TNRC6A: variants seen among roughly 807,000 people sequenced by gnomAD.
TNRC6A encodes trinucleotide repeat containing adaptor 6A, also known as trinucleotide repeat-containing gene 6A protein.
TNRC6A carries 44 observed loss-of-function variants against 221.2 expected under a neutral mutation model. The ratio of observed to expected loss-of-function variants is 0.20; its 90% CI spans 0.16 to 0.26. The LOEUF (loss-of-function observed/expected upper bound fraction) is 0.26, where lower values mean the gene tolerates loss of function less well. Among genes scored for constraint, TNRC6A ranks in the 10% least tolerant of loss-of-function variants. The probability of loss-of-function intolerance (pLI) is 1.00; values close to 1 mark genes in which losing one functional copy is unlikely to be tolerated. For missense variants in TNRC6A, 2,199 were observed against 2,404.4 expected, an observed-to-expected ratio of 0.91 and a Z score of 1.79; for synonymous variants, 847 against 838.5, an observed-to-expected ratio of 1.01 and a Z score of -0.18.
chr16:24,752,301 TA>T (rs149398822), intron 3 of TNRC6A, among the ~76,000 whole-genome samples: 2,071 of 152,218 alleles, frequency 0.014, 53 homozygotes, highest in African/African-American at 0.047. Flanking sequence ...TGAGAGGAGT[TA>T]ATCAGGCTAG....
chr16:24,776,503 C>T (rs1284161679), intron 4 of TNRC6A: 2 of 985,288 alleles, frequency 2.0e-6, no homozygotes, highest in African/African-American at 3.5e-5. Flanking sequence ...AAATAGAGAC[C>T]AAACACATTA....
chr16:24,785,490 A>G (rs1395555679), intron 5 of TNRC6A, among the ~76,000 whole-genome samples: 1 of 152,168 alleles, frequency 6.6e-6, no homozygotes, highest in Non-Finnish European at 1.5e-5. Context: ...ATCTTTTCCC[A>G]TCAACATTTT....
intron 2 of TNRC6A, among the ~76,000 whole-genome samples, chr16:24,744,295 T>A (rs2056955390): frequency 6.6e-6 from 1 of 152,180 alleles, no homozygotes; most frequent in Non-Finnish European, 1.5e-5. Flanking sequence ...TCGGGTTTCA[T>A]CACTGCAAAG....
intron 1 of TNRC6A, among the ~76,000 whole-genome samples, chr16:24,619,232 G>A (rs1900539407): frequency 6.6e-6 from 1 of 152,132 alleles, no homozygotes; most frequent in African/African-American, 2.4e-5. Flanking sequence ...TGGAGTTAGT[G>A]AATTTAGAAA....
chr16:24,813,170 C>A (rs1270258857), intron 18 of TNRC6A, among the ~76,000 whole-genome samples: 2 of 152,102 alleles, frequency 1.3e-5, no homozygotes, highest in Admixed American at 6.5e-5. Context: ...AGCCACCATG[C>A]CTTGCCTTGT....
intron 2 of TNRC6A, among the ~76,000 whole-genome samples, chr16:24,711,190 T>C (rs903666474): frequency 3.9e-5 from 6 of 151,990 alleles, no homozygotes; most frequent in Non-Finnish European, 7.4e-5. Flanking sequence ...GTGTTTTTAG[T>C]AGAGATAGGG....
At chr16:24,805,512 TTAAC>T in intron 14 of TNRC6A, 89 bp from the exon 15 acceptor site, 1 of 1,524,818 alleles carries the variant, frequency 6.6e-7, no homozygotes, top group Non-Finnish European at 8.9e-7. Flanking sequence ...GTCCACAAAT[TTAAC>T]TGCTCTATTG....
At chr16:24,711,549 C>G (rs1013500073) in intron 2 of TNRC6A, among the ~76,000 whole-genome samples, 6 of 152,112 alleles carry the variant, frequency 3.9e-5, no homozygotes, top group African/African-American at 1.4e-4. Flanking sequence ...GAATAATTTG[C>G]ATTTTCTAGA....
chr16:24,656,473 A>AG (rs1314799216), intron 2 of TNRC6A, among the ~76,000 whole-genome samples: 2 of 151,590 alleles, frequency 1.3e-5, no homozygotes, highest in Non-Finnish European at 2.9e-5. Flanking sequence ...TCTCAAAAAA[A>AG]AAAAAAAAGA....
intron 4 of TNRC6A, among the ~76,000 whole-genome samples, chr16:24,769,306 G>T (rs2057540545): frequency 6.6e-6 from 1 of 151,744 alleles, no homozygotes; most frequent in Non-Finnish European, 1.5e-5. Flanking sequence ...CAAAGTGGGG[G>T]GTCCTGATTT....
intron 3 of TNRC6A, among the ~76,000 whole-genome samples, chr16:24,755,346 C>T (rs866578332): frequency 7.2e-5 from 11 of 152,292 alleles, no homozygotes; most frequent in African/African-American, 2.2e-4. Context: ...GTAGAGTCAG[C>T]TTATTTCCAA....
At chr16:24,750,880 C>A in intron 3 of TNRC6A, 67 bp downstream of exon 3, 1 of 1,304,714 alleles carries the variant, frequency 7.7e-7, no homozygotes, top group Non-Finnish European at 1.0e-6. Flanking sequence ...ATTACTCTTA[C>A]AGATTTTGAA....
chr16:24,755,714 G>A (rs1356822824), intron 3 of TNRC6A, among the ~76,000 whole-genome samples: 4 of 152,194 alleles, frequency 2.6e-5, no homozygotes, highest in African/African-American at 7.2e-5. Context: ...CAAAGCAAGT[G>A]GAGTGCTGTG....
chr16:24,630,293 C>T (rs917873598), intron 1 of TNRC6A, among the ~76,000 whole-genome samples: 1 of 152,094 alleles, frequency 6.6e-6, no homozygotes, highest in African/African-American at 2.4e-5. Context: ...CTAACACCAC[C>T]CCCATTCACT....
intron 18 of TNRC6A, among the ~76,000 whole-genome samples, chr16:24,814,223 A>G (rs1382066894): frequency 6.6e-6 from 1 of 152,000 alleles, no homozygotes; most frequent in Non-Finnish European, 1.5e-5. Context: ...GCCAGAGGAA[A>G]GAGTGGGGCT....
chr16:24,727,615 T>TA (rs111734079), upstream of TNRC6A, among the ~76,000 whole-genome samples: 673 of 149,300 alleles, frequency 4.5e-3, 1 homozygote, highest in African/African-American at 0.011. Context: ...AAAAGTCTAA[T>TA]AAAAAAAAAA....
chr16:24,678,445 A>T (rs906550838), intron 2 of TNRC6A, among the ~76,000 whole-genome samples: 1 of 152,152 alleles, frequency 6.6e-6, no homozygotes, highest in African/African-American at 2.4e-5. Flanking sequence ...TTATGCTGTG[A>T]GCTGTCCCAT....
intron 2 of TNRC6A, among the ~76,000 whole-genome samples, chr16:24,714,166 G>T (rs975401833): frequency 3.3e-5 from 5 of 152,038 alleles, no homozygotes; most frequent in Admixed American, 2.6e-4. Flanking sequence ...CATATAGGTT[G>T]TTCCACAGCT....
chr16:24,616,168 A>C (rs1900331151), intron 1 of TNRC6A, among the ~76,000 whole-genome samples: 1 of 151,830 alleles, frequency 6.6e-6, no homozygotes, highest in Non-Finnish European at 1.5e-5. Context: ...TCTACTAAAA[A>C]TACAAAAATT....
Sources: allele counts gnomAD v4.1 joint callset (sites outside exome capture counted in the v4.1 genomes callset), GRCh38; gene constraint gnomAD v4.1.1; transcripts MANE v1.5; gene names NCBI Gene and HGNC (gene_info 2026-07-23, HGNC 2026-07-21).